CD300C: variants seen among roughly 807,000 people sequenced by gnomAD.
The protein encoded by CD300C is CD300c molecule, also known as CMRF35-like molecule 6.
Under a neutral mutation model 18.4 loss-of-function variants are expected in CD300C, and 11 were observed. The observed-to-expected ratio is 0.60, with a 90% CI of 0.38 to 0.99. The LOEUF (loss-of-function observed/expected upper bound fraction) is 0.99, where lower values mean the gene tolerates loss of function less well. Among genes scored for constraint, CD300C ranks in the 50% least tolerant of loss-of-function variants. The pLI, the probability that CD300C is intolerant of heterozygous loss-of-function variation, is 0.01. For missense variants in CD300C, 277 were observed against 287.4 expected (o/e 0.96, Z 0.26); for synonymous variants, 116 against 116.3 (o/e 1.00, Z 0.02).
downstream of CD300C, among the ~76,000 whole-genome samples, chr17:74,538,102 A>G (rs77711158): frequency 1.3e-5 from 2 of 152,222 alleles, no homozygotes; most frequent in Non-Finnish European, 2.9e-5. Context: ...TGTAAAGTGC[A>G]TGTATTCTTT....
At chr17:74,540,246 C>A (rs1034230031), downstream of CD300C, among the ~76,000 whole-genome samples, 3 of 152,218 alleles carry the variant, frequency 2.0e-5, no homozygotes, top group African/African-American at 7.2e-5. Context: ...TTCTCCTGAT[C>A]CCTGCTTGCT....
In CD300C at chr17:74,542,969, G is replaced by T. The variant is rs936303908; in HGVS notation, c.419C>A (p.Ser140Tyr). 3 of 1,613,704 alleles carry T rather than the reference G, an allele frequency of 1.9e-6. No individual in the cohort carries two copies. The highest frequency in any genetic ancestry group is 1.1e-5 in the South Asian group (1 of 91,082). ...SVFPAGTTTA[S>Y]SPQSSMGTSG... Reference sequence around the variant, plus strand: ...GGTGCCCATGGAGCTCTGGGGGCTGGAGGCTGTGGTCGTCCCGGCTGTGGG... The same window carrying T: ...GGTGCCCATGGAGCTCTGGGGGCTGTAGGCTGTGGTCGTCCCGGCTGTGGG... The change falls in exon 3 of 4, where the codon TCC becomes TAC. Residue 140 changes from serine (S) to tyrosine (Y), a missense_variant. Coordinates refer to ENST00000330793, the MANE Select transcript of CD300C (RefSeq NM_006678.5).
At position 74,544,665 on chromosome 17, in the gene CD300C, G is replaced by A. The variant is rs374234481; in HGVS notation, c.344C>T (p.Pro115Leu). The change falls in exon 2 of 4, where the codon CCG (proline) becomes CTG (leucine). Residue 115 changes from proline to leucine, a missense_variant. Pro to Leu is a moderately conservative substitution (Grantham distance 98, BLOSUM62 -3). Coordinates refer to ENST00000330793, the MANE Select transcript of CD300C (RefSeq NM_006678.5). ...AGTYWCGVDT[P>L]WLRDFHDPIV... Reference sequence around the variant, plus strand: ...GGGATCATGAAAGTCTCGGAGCCACGGTGTATCCACCCCACACCAGTAGGT... The same window carrying A: ...GGGATCATGAAAGTCTCGGAGCCACAGTGTATCCACCCCACACCAGTAGGT... 8.7e-6 allele frequency: 14 copies of A among 1,614,026 alleles called. No homozygotes were observed. Among genetic ancestry groups the A allele is most frequent in the African/African-American group, 8.0e-5 (6 of 74,950 alleles).
chr17:74,542,912 G>T lies in CD300C; in HGVS notation c.476C>A (p.Thr159Asn). The change falls in exon 3 of 4, where the codon ACC (threonine) becomes AAC (asparagine). Residue 159 changes from threonine (T) to asparagine (N), a missense_variant. By Grantham distance (65) the Thr-to-Asn change is moderately conservative. Coordinates refer to ENST00000330793, the MANE Select transcript of CD300C (RefSeq NM_006678.5). ...GTCCTTTCTGGTCACGCTGGGCCAGGTGTGCACGGGCAGCTTCGTGGGAGG... is the reference window on the plus strand; with the variant it reads ...GTCCTTTCTGGTCACGCTGGGCCAGTTGTGCACGGGCAGCTTCGTGGGAGG... ...SGPPTKLPVH[T>N]WPSVTRKDSP... 6.2e-7 allele frequency: 1 copy of T among 1,612,320 alleles called. No individual in the cohort carries two copies. The highest frequency in any genetic ancestry group is 8.5e-7 in the Non-Finnish European group (1 of 1,180,014).
chr17:74,545,596 C>T (rs1282519383), intron 1 of CD300C, 126 bp downstream of exon 1: 2 of 729,828 alleles, frequency 2.7e-6, no homozygotes, highest in Non-Finnish European at 2.3e-6. Context: ...CTCCTGGGTG[C>T]TCCTTTGCCC....
chr17:74,540,726 T>A (rs1421795454), downstream of CD300C, among the ~76,000 whole-genome samples: 7 of 152,188 alleles, frequency 4.6e-5, no homozygotes, highest in Non-Finnish European at 1.0e-4. Flanking sequence ...AAAGACTCAC[T>A]TAACTACCAC....
chr17:74,542,570 C>A (rs1908590407), intron 3 of CD300C, among the ~76,000 whole-genome samples: 1 of 152,252 alleles, frequency 6.6e-6, no homozygotes, highest in African/African-American at 2.4e-5. Context: ...CATCTCATCC[C>A]AGCATTCATT....
In CD300C at chr17:74,541,380, A is replaced by T. The variant is rs185215981; in HGVS notation, c.*209T>A. ...AGGCTTAGCTGGCCGGGGCGTGCAC[A>T]TGAGACGTGGACTCACAGCTCAGGG... On this transcript the variant is annotated 3_prime_UTR_variant, in exon 4 of 4. Transcript: ENST00000330793. 4 of 550,194 alleles carry T rather than the reference A, an allele frequency of 7.3e-6. No homozygotes were observed. The highest frequency in any genetic ancestry group is 3.1e-5 in the East Asian group (1 of 32,350). 34.1% of individuals were successfully genotyped at this position (550,194 alleles called of 1,614,324 possible). A position where few individuals can be genotyped will look rare whatever the true frequency, so the allele number is the denominator to read the frequency against.
intron 1 of CD300C, among the ~76,000 whole-genome samples, 189 bp downstream of exon 1, chr17:74,545,533 C>G (rs1406155856): frequency 6.6e-6 from 1 of 152,162 alleles, no homozygotes; most frequent in African/African-American, 2.4e-5. Flanking sequence ...AATAGGCCTC[C>G]CCCGTGCTGT....
chr17:74,544,001 G>A (rs977528379), intron 2 of CD300C, among the ~76,000 whole-genome samples: 4 of 152,156 alleles, frequency 2.6e-5, no homozygotes, highest in African/African-American at 9.7e-5. Flanking sequence ...CCCCACCCAG[G>A]GCTCTGGGGC....
the CD300C span, among the ~76,000 whole-genome samples, chr17:74,534,809 CACT>C: frequency 1.3e-5 from 2 of 152,068 alleles, no homozygotes; most frequent in Non-Finnish European, 2.9e-5. Context: ...GCACAAAAAC[CACT>C]ATCTGAAATC....
intron 1 of CD300C, 125 bp from the exon 2 acceptor site, chr17:74,545,072 C>A: frequency 2.4e-6 from 2 of 850,526 alleles, no homozygotes; most frequent in South Asian, 3.5e-5. Flanking sequence ...AGCCTTTGTC[C>A]ACCCAGGAAC....
rs915558771 is a variant in CD300C, at chr17:74,541,678, G to C, written c.586C>G (p.Leu196Val). 1 of 1,613,944 alleles carries C rather than the reference G, an allele frequency of 6.2e-7. No individual in the cohort carries two copies. Among genetic ancestry groups the C allele is most frequent in the East Asian group, 2.2e-5 (1 of 44,874 alleles). ...CAGAGGACGGCACCCAGCATGCTCA[G>C]GAGCAGGGGCAGCTCCAAGAGGACC... ...LLVLLELPLL[L>V]SMLGAVLWVN... Residue 196 changes from leucine to valine, a missense_variant, in exon 4 of 4, where the codon CTG becomes GTG. Physicochemically the swap from Leu to Val is conservative, Grantham distance 32. Coordinates refer to ENST00000330793, the MANE Select transcript of CD300C (RefSeq NM_006678.5).
chr17:74,537,628 CAA>C (rs11380108), downstream of CD300C, among the ~76,000 whole-genome samples: 3 of 132,490 alleles, frequency 2.3e-5, no homozygotes, highest in Non-Finnish European at 3.2e-5. Context: ...GACTCCATCT[CAA>C]AAAAAAAAAA....
downstream of CD300C, among the ~76,000 whole-genome samples, chr17:74,537,784 A>T (rs1179661279): frequency 6.6e-6 from 1 of 152,136 alleles, no homozygotes; most frequent in Admixed American, 6.5e-5. Context: ...AAACAAGATG[A>T]TGATGAACAT....
At chr17:74,543,123 C>T (rs1394108959) in intron 2 of CD300C, 136 bp from the exon 3 acceptor site, 25 of 1,222,854 alleles carry the variant, frequency 2.0e-5, no homozygotes, top group Middle Eastern at 1.9e-4. Flanking sequence ...TCATGCCCCA[C>T]GGCCACACCC....
chr17:74,545,667 C>T, intron 1 of CD300C, 55 bp downstream of exon 1: 2 of 1,404,768 alleles, frequency 1.4e-6, no homozygotes, highest in Admixed American at 3.7e-5. Context: ...TGCACCCCTC[C>T]CTGCCCTCTC....
intron 1 of CD300C, 103 bp downstream of exon 1, chr17:74,545,619 C>T: frequency 1.1e-6 from 1 of 935,218 alleles, no homozygotes; most frequent in Non-Finnish European, 1.7e-6. Context: ...CTCCCCTCTC[C>T]CTGCCCCACT....
chr17:74,543,962 GCAGGATGTGGTTCC>G (rs1346844930), intron 2 of CD300C, among the ~76,000 whole-genome samples: 1 of 152,164 alleles, frequency 6.6e-6, no homozygotes, highest in Non-Finnish European at 1.5e-5. Context: ...AGCCTCAGGG[GCAGGATGTGGTTCC>G]CAGGAGCATG....
Sources: allele counts gnomAD v4.1 joint callset (sites outside exome capture counted in the v4.1 genomes callset), GRCh38; gene constraint gnomAD v4.1.1; transcripts MANE v1.5; gene names NCBI Gene and HGNC (gene_info 2026-07-23, HGNC 2026-07-21).